EYS: variants seen among roughly 807,000 people sequenced by gnomAD.
The protein encoded by EYS is protein eyes shut homolog.
Under a neutral mutation model 282.1 loss-of-function variants are expected in EYS, and 250 were observed. That is an observed-to-expected ratio of 0.89 (90% CI 0.80 to 0.98). The LOEUF (loss-of-function observed/expected upper bound fraction) is 0.98. Ranked by LOEUF, EYS falls within the 50% of genes least tolerant of loss-of-function variation. The probability of loss-of-function intolerance (pLI) is 0.00; values close to 1 mark genes in which losing one functional copy is unlikely to be tolerated. For synonymous variants in EYS, 1,355 were observed against 1,282.9 expected (o/e 1.06, Z -1.20); for missense variants, 4,016 against 3,709.0 (o/e 1.08, Z -2.15).
At position 65,302,438 on chromosome 6, in the gene EYS, A is replaced by C. The variant is rs1700705554; in HGVS notation, c.1767-6319T>G. The C allele has an allele frequency of 1.6e-5, 10 of 632,458 alleles. No homozygotes were observed. In the South Asian group the frequency reaches 1.9e-4, roughly 12 times the overall value. 39.2% of individuals were successfully genotyped at this position (632,458 alleles called of 1,614,324 possible). A position where few individuals can be genotyped will look rare whatever the true frequency, so the allele number is the denominator to read the frequency against. On this transcript the variant is annotated intron_variant, in intron 11 of 42. Coordinates refer to ENST00000503581, the MANE Select transcript of EYS (RefSeq NM_001142800.2). ...TCATTTGGAAGATTAAACCCATTTC[A>C]CGAGGACTTGGAGCCTGGTCCTTGC... is the stretch of plus-strand genomic sequence containing the variant.
At chr6:63,792,119 G>C (rs1340645975) in intron 37 of EYS, among the ~76,000 whole-genome samples, 2 of 151,976 alleles carry the variant, frequency 1.3e-5, no homozygotes, top group East Asian at 3.9e-4. Context: ...GAACAGTCTG[G>C]GGGAAAAGGC....
At chr6:63,776,871 C>A (rs1770078188) in intron 40 of EYS, among the ~76,000 whole-genome samples, 1 of 152,110 alleles carries the variant, frequency 6.6e-6, no homozygotes, top group South Asian at 2.1e-4. Context: ...TTAGTAGTAA[C>A]CCCTGAAGAA....
At chr6:64,657,065 T>C (rs1168215509) in intron 22 of EYS, among the ~76,000 whole-genome samples, 2 of 152,244 alleles carry the variant, frequency 1.3e-5, no homozygotes, top group East Asian at 1.9e-4. Context: ...ATATTTAGGA[T>C]AGTTAGCTCT....
chr6:64,229,445 T>G (rs1766351256), intron 31 of EYS, among the ~76,000 whole-genome samples: 2 of 152,152 alleles, frequency 1.3e-5, no homozygotes. Context: ...TAAATGGCCT[T>G]AAATTATAGC....
At chr6:65,282,442 A>C (rs1768250582) in intron 12 of EYS, among the ~76,000 whole-genome samples, 1 of 152,004 alleles carries the variant, frequency 6.6e-6, no homozygotes, top group Admixed American at 6.6e-5. Context: ...TTGGCTCTTA[A>C]AATGTCTGAA....
At chr6:64,006,987 A>G (rs1432167944) in intron 33 of EYS, among the ~76,000 whole-genome samples, 1 of 151,994 alleles carries the variant, frequency 6.6e-6, no homozygotes, top group Non-Finnish European at 1.5e-5. Flanking sequence ...CTGGGTTTTG[A>G]TATCAGGATG....
intron 26 of EYS, among the ~76,000 whole-genome samples, chr6:64,498,271 G>A (rs190252143): frequency 1.8e-4 from 28 of 152,166 alleles, no homozygotes; most frequent in Middle Eastern, 3.4e-3. Context: ...TTATAGATGA[G>A]AACAGGGAAG....
intron 12 of EYS, among the ~76,000 whole-genome samples, chr6:65,196,316 A>T (rs1765765475): frequency 6.6e-6 from 1 of 152,012 alleles, no homozygotes; most frequent in Non-Finnish European, 1.5e-5. Flanking sequence ...AACCTTTACC[A>T]TTCCCATGGT....
At chr6:65,231,215 CATAT>C (rs1477853285) in intron 12 of EYS, among the ~76,000 whole-genome samples, 2 of 141,630 alleles carry the variant, frequency 1.4e-5, no homozygotes, top group African/African-American at 5.2e-5. Flanking sequence ...TCTTTTCAGA[CATAT>C]ATATCTGAAT....
chr6:64,138,516 C>T (rs985116411), intron 31 of EYS, among the ~76,000 whole-genome samples: 2 of 151,998 alleles, frequency 1.3e-5, no homozygotes, highest in Non-Finnish European at 2.9e-5. Context: ...GCTGTAATTA[C>T]GGATATATGT....
In EYS at chr6:64,770,010, A is replaced by AT. The variant is rs562098309; in HGVS notation, c.3443+43367dup. 2.6e-5 allele frequency among the ~76,000 whole-genome samples: 4 copies of AT among 151,902 alleles called. No homozygotes were observed. In the Middle Eastern group the frequency reaches 0.01, roughly 388 times the overall value. ...TCATTTATTATTGTTGGTAGAAATAATTTTTTTTACTTCTATCCTTATATT... is the reference window on the plus strand; with the variant it reads ...TCATTTATTATTGTTGGTAGAAATAATTTTTTTTTACTTCTATCCTTATATT... On this transcript the variant is annotated intron_variant, in intron 22 of 42. Coordinates refer to ENST00000503581, the MANE Select transcript of EYS (RefSeq NM_001142800.2).
chr6:64,721,460 G>A (rs895621541), intron 22 of EYS, among the ~76,000 whole-genome samples: 1 of 152,032 alleles, frequency 6.6e-6, no homozygotes, highest in African/African-American at 2.4e-5. Context: ...TCCTAGAGCA[G>A]GAAATGAGAT....
Position 64,217,300 on chromosome 6 carries a change from A to AG in EYS, c.6424+13291dup, listed in dbSNP as rs201504548. 8.1e-3 allele frequency among the ~76,000 whole-genome samples: 1,230 copies of AG among 152,256 alleles called. 18 individuals carry two copies. Among genetic ancestry groups the AG allele is most frequent in the East Asian group, 0.035 (183 of 5,170 alleles). On this transcript the variant is annotated intron_variant, in intron 31 of 42. Transcript: ENST00000503581. The stretch of plus-strand genomic sequence containing the variant: ...TCCCAGAACTTTGGGAGGCCAAGAC[A>AG]GGCGGATCACCTGAGGTCAGGAGTT...
At chr6:64,979,314 A>C (rs571431357) in intron 14 of EYS, among the ~76,000 whole-genome samples, 15 of 151,918 alleles carry the variant, frequency 9.9e-5, no homozygotes, top group African/African-American at 3.6e-4. Context: ...AATTTTTCCT[A>C]CACAGAAATG....
Position 64,284,716 on chromosome 6 carries a change from C to T in EYS, c.6191+22254G>A, listed in dbSNP as rs138573679. 2.0e-3 allele frequency among the ~76,000 whole-genome samples: 306 copies of T among 152,284 alleles called. 1 individual carries two copies. Among genetic ancestry groups the T allele is most frequent in the African/African-American group, 7.0e-3 (290 of 41,560 alleles). Reference sequence around the variant, plus strand: ...TCTTCTGAAATCTAGGCAGAGGTTCCCAAACCCCAATTCTTGACTTTTCTG... The same window carrying T: ...TCTTCTGAAATCTAGGCAGAGGTTCTCAAACCCCAATTCTTGACTTTTCTG... On this transcript the variant is annotated intron_variant, in intron 30 of 42. Coordinates refer to ENST00000503581, the MANE Select transcript of EYS (RefSeq NM_001142800.2).
intron 12 of EYS, among the ~76,000 whole-genome samples, chr6:65,098,353 G>T (rs183071357): frequency 6.6e-6 from 1 of 150,630 alleles, no homozygotes; most frequent in Non-Finnish European, 1.5e-5. Flanking sequence ...CAAATTCTGT[G>T]CTTGAGATGA....
intron 29 of EYS, among the ~76,000 whole-genome samples, chr6:64,354,651 A>G (rs1771762983): frequency 6.6e-6 from 1 of 151,526 alleles, no homozygotes; most frequent in Non-Finnish European, 1.5e-5. Context: ...TTCCCAGTAA[A>G]TTAATTGTCT....
At chr6:65,702,514 A>G (rs1165461105) in intron 1 of EYS, among the ~76,000 whole-genome samples, 2 of 152,158 alleles carry the variant, frequency 1.3e-5, no homozygotes, top group Non-Finnish European at 2.9e-5. Context: ...CAACACGGTG[A>G]AAGCTTGTCT....
chr6:64,894,760 G>C (rs532957897), intron 18 of EYS, among the ~76,000 whole-genome samples: 1 of 152,236 alleles, frequency 6.6e-6, no homozygotes, highest in South Asian at 2.1e-4. Flanking sequence ...AGGAGTTGCT[G>C]AATACTGGTT....
Sources: gnomAD v4.1 joint callset for allele counts (sites outside exome capture counted in the v4.1 genomes callset) on GRCh38, gnomAD v4.1.1 for gene constraint, MANE v1.5 for transcripts, NCBI Gene and HGNC (gene_info 2026-07-23, HGNC 2026-07-21) for gene names.